CDH12: variants seen among roughly 807,000 people sequenced by gnomAD.
The protein encoded by CDH12 is cadherin-12.
A neutral mutation model predicts 74.1 loss-of-function variants in CDH12; 41 were observed. That is an observed-to-expected ratio of 0.55 (90% CI 0.43 to 0.72). CDH12 has a LOEUF of 0.72. Ranked by LOEUF, CDH12 falls within the 30% of genes least tolerant of loss-of-function variation. The probability of loss-of-function intolerance (pLI) is 0.00; values close to 1 mark genes in which losing one functional copy is unlikely to be tolerated. For synonymous variants in CDH12, 399 were observed against 355.0 expected, an observed-to-expected ratio of 1.12 and a Z score of -1.39; for missense variants, 945 against 977.2, an observed-to-expected ratio of 0.97 and a Z score of 0.44.
chr5:22,027,570 C>G (rs1408782121), intron 5 of CDH12, among the ~76,000 whole-genome samples: 4 of 152,112 alleles, frequency 2.6e-5, no homozygotes, highest in South Asian at 4.2e-4. Context: ...GGAATTTATC[C>G]ATTTCTTCTA....
chr5:22,336,007 G>T (rs927630623), intron 3 of CDH12, among the ~76,000 whole-genome samples: 2 of 152,094 alleles, frequency 1.3e-5, no homozygotes, highest in East Asian at 3.9e-4. Context: ...CAGCAACATG[G>T]ACAATAAGGT....
intron 1 of CDH12, among the ~76,000 whole-genome samples, chr5:22,743,933 T>C (rs1745162916): frequency 6.6e-6 from 1 of 152,134 alleles, no homozygotes; most frequent in East Asian, 1.9e-4. Context: ...GTTTCTACTG[T>C]TGGGCATTTT....
At chr5:22,049,937 T>C (rs1740238618) in intron 5 of CDH12, among the ~76,000 whole-genome samples, 1 of 150,934 alleles carries the variant, frequency 6.6e-6, no homozygotes, top group African/African-American at 2.5e-5. Flanking sequence ...TCCATCCTTT[T>C]ATTTAAACTC....
At chr5:22,266,647 T>A (rs1037108978) in intron 3 of CDH12, among the ~76,000 whole-genome samples, 1 of 152,168 alleles carries the variant, frequency 6.6e-6, no homozygotes, top group African/African-American at 2.4e-5. Context: ...CTTTATGTTA[T>A]GTTAGAAATG....
intron 3 of CDH12, among the ~76,000 whole-genome samples, chr5:22,321,843 T>C (rs7380241): frequency 0.98 from 149,915 of 152,202 alleles, 73,883 homozygotes; most frequent in East Asian, 1. Flanking sequence ...AAAGAAATTA[T>C]TGGTTAAGTC....
chr5:22,052,999 CTA>C (rs1199390001), intron 5 of CDH12, among the ~76,000 whole-genome samples: 1 of 151,456 alleles, frequency 6.6e-6, no homozygotes, highest in Non-Finnish European at 1.5e-5. Context: ...AGTTTTATCT[CTA>C]ATACACTTAC....
rs553780801 is a variant in CDH12 at position 21,827,853 on chromosome 5, C to T, written c.815-10721G>A. 9.2e-5 allele frequency among the ~76,000 whole-genome samples: 14 copies of T among 152,260 alleles called. No individual in the cohort carries two copies. The South Asian group carries it at 2.1e-3, about 23-fold the overall frequency. ...CGGCAATTTTGGCAAGAGTTCACAA[C>T]ATTTCAAGTGCATCAATAATTTTTC... On this transcript the variant is annotated intron_variant, in intron 8 of 14. Coordinates refer to ENST00000382254, the MANE Select transcript of CDH12 (RefSeq NM_004061.5).
chr5:22,530,439 T>C (rs1737536875), intron 1 of CDH12, among the ~76,000 whole-genome samples: 1 of 152,122 alleles, frequency 6.6e-6, no homozygotes, highest in Admixed American at 6.5e-5. Context: ...TCTAATATTT[T>C]GCTAAATGAA....
intron 4 of CDH12, among the ~76,000 whole-genome samples, chr5:22,097,830 C>T (rs1351885238): frequency 6.6e-6 from 1 of 152,120 alleles, no homozygotes; most frequent in Non-Finnish European, 1.5e-5. Flanking sequence ...TGCCAACATC[C>T]CATCCCACAG....
chr5:22,787,221 T>G (rs1237055464), intron 1 of CDH12, among the ~76,000 whole-genome samples: 1 of 152,060 alleles, frequency 6.6e-6, no homozygotes, highest in Non-Finnish European at 1.5e-5. Context: ...TTCTGTTCTC[T>G]CCTCTTTTAT....
intron 1 of CDH12, among the ~76,000 whole-genome samples, chr5:22,523,859 G>A (rs1737153292): frequency 1.3e-5 from 2 of 152,074 alleles, no homozygotes. Flanking sequence ...CTAGGTACTG[G>A]ATTTAAGTCA....
intron 10 of CDH12, among the ~76,000 whole-genome samples, 158 bp from the exon 11 acceptor site, chr5:21,783,652 C>G (rs1485590781): frequency 6.6e-6 from 1 of 152,056 alleles, no homozygotes; most frequent in East Asian, 1.9e-4. Flanking sequence ...ATTGCAAAGT[C>G]AGTATGCTCA....
chr5:22,633,985 C>T (rs1738708693), intron 1 of CDH12, among the ~76,000 whole-genome samples: 1 of 151,858 alleles, frequency 6.6e-6, no homozygotes, highest in Non-Finnish European at 1.5e-5. Context: ...AGGAAAGGAC[C>T]ATATTGCTAT....
At chr5:21,974,100 G>A (rs1405571806) in intron 6 of CDH12, among the ~76,000 whole-genome samples, 2 of 152,166 alleles carry the variant, frequency 1.3e-5, no homozygotes, top group East Asian at 1.9e-4. Flanking sequence ...CTACTAACCT[G>A]CTTCTGCCCT....
At chr5:22,762,985 TA>T (rs534916916) in intron 1 of CDH12, among the ~76,000 whole-genome samples, 13 of 149,250 alleles carry the variant, frequency 8.7e-5, no homozygotes, top group African/African-American at 1.2e-4. Flanking sequence ...CACTGAAAAT[TA>T]AAAAAAAAAT....
chr5:22,801,856 AT>A (rs533697869), intron 1 of CDH12, among the ~76,000 whole-genome samples: 49 of 151,392 alleles, frequency 3.2e-4, no homozygotes, highest in African/African-American at 1.1e-3. Flanking sequence ...TGCTTGGGCC[AT>A]TTTAAAATCA....
chr5:22,384,545 A>AAG (rs1741919979), intron 3 of CDH12, among the ~76,000 whole-genome samples: 3 of 150,310 alleles, frequency 2.0e-5, no homozygotes, highest in South Asian at 2.1e-4. Context: ...AAAAAAGAAA[A>AAG]AGAAAAAGAA....
chr5:22,772,129 G>T (rs921904513), intron 1 of CDH12, among the ~76,000 whole-genome samples: 5 of 151,970 alleles, frequency 3.3e-5, no homozygotes, highest in African/African-American at 1.2e-4. Flanking sequence ...GTGTGGTAGG[G>T]TTTCTATATT....
At chr5:22,353,001 C>A (rs1740418872) in intron 3 of CDH12, among the ~76,000 whole-genome samples, 1 of 152,084 alleles carries the variant, frequency 6.6e-6, no homozygotes, top group Admixed American at 6.6e-5. Context: ...AAGATGAATA[C>A]CAAACAGATC....
Sources: gnomAD v4.1 joint callset for allele counts (sites outside exome capture counted in the v4.1 genomes callset) on GRCh38, gnomAD v4.1.1 for gene constraint, MANE v1.5 for transcripts, NCBI Gene and HGNC (gene_info 2026-07-23, HGNC 2026-07-21) for gene names.